Variants in CD9 observed in about 807,000 individuals in gnomAD.
CD9 encodes the protein CD9 molecule, also known as CD9 antigen.
A neutral mutation model predicts 31.4 loss-of-function variants in CD9; 10 were observed. That is an observed-to-expected ratio of 0.32 (90% confidence interval 0.20 to 0.54). CD9 has a LOEUF of 0.54. Ranked by LOEUF, CD9 falls within the 20% of genes least tolerant of loss-of-function variation. CD9 has a pLI of 0.94. For synonymous variants in CD9, 113 were observed against 114.1 expected (o/e 0.99, Z 0.06); for missense variants, 259 against 300.1 (o/e 0.86, Z 1.01).
At chr12:6,236,314 A>G (rs1591982866) in intron 7 of CD9, 39 bp downstream of exon 7, 3 of 1,568,096 alleles carry the variant, frequency 1.9e-6, no homozygotes, top group African/African-American at 1.3e-5. Context: ...GGGACTGAGG[A>G]GTTCACATTG....
At chr12:6,200,800 G>C (rs970275432) in intron 1 of CD9, 2 of 441,232 alleles carry the variant, frequency 4.5e-6, no homozygotes, top group Admixed American at 9.0e-5. Context: ...AGCCGGCGTG[G>C]GGAGCCGGGC....
chr12:6,236,099 A>G (rs1946518963), intron 6 of CD9, 93 bp from the exon 7 acceptor site: 4 of 1,562,876 alleles, frequency 2.6e-6, no homozygotes, highest in African/African-American at 2.7e-5. Context: ...TCTGCCCACC[A>G]GTTCTCCCGG....
rs573144163 is a variant in CD9, at chr12:6,228,905, C to T, written c.175+3371C>T. Among the ~76,000 whole-genome samples the T allele has an allele frequency of 5.2e-5, 8 of 152,382 alleles. No homozygotes were observed. In the South Asian group the frequency reaches 6.2e-4, roughly 12 times the overall value. On this transcript the variant is annotated intron_variant, in intron 2 of 7. Coordinates refer to ENST00000009180, the MANE Select transcript of CD9 (RefSeq NM_001769.4). The stretch of plus-strand genomic sequence containing the variant: ...CCATGCAGCTGACTTTTCAGGAAAC[C>T]TGAACAGCCCAGGGGTGTCTTTTCT...
At chr12:6,225,864 T>A (rs41279082) in intron 2 of CD9, 100 of 255,094 alleles carry the variant, frequency 3.9e-4, no homozygotes, top group Non-Finnish European at 6.4e-4. Flanking sequence ...CTCCTGATTG[T>A]CTTCTTATCC....
intron 1 of CD9, among the ~76,000 whole-genome samples, chr12:6,222,520 T>G (rs1269645534): frequency 1.3e-5 from 2 of 152,316 alleles, no homozygotes; most frequent in Admixed American, 6.5e-5. Flanking sequence ...GATGTAAGGT[T>G]TAAGGTGGGG....
In CD9 at chr12:6,214,251, G is replaced by A. The variant is rs556802771; in HGVS notation, c.67-11175G>A. Among the ~76,000 whole-genome samples, 5 of 151,744 alleles carry A rather than the reference G, an allele frequency of 3.3e-5. No individual in the cohort carries two copies. In the South Asian group the frequency reaches 6.2e-4, roughly 19 times the overall value. On this transcript the variant is annotated intron_variant, in intron 1 of 7. Coordinates refer to ENST00000009180, the MANE Select transcript of CD9 (RefSeq NM_001769.4). The stretch of plus-strand genomic sequence containing the variant: ...CCACCTCCTGTAATGTGTCGGGGGC[G>A]TGGGTCCTTGTACATAGTAACTTCT...
chr12:6,231,918 A>G (rs1946451294), intron 2 of CD9, among the ~76,000 whole-genome samples: 2 of 152,164 alleles, frequency 1.3e-5, no homozygotes, highest in African/African-American at 2.4e-5. Context: ...CCAGAGAGGG[A>G]AAATGTCTTA....
At chr12:6,206,573 G>A (rs904409193) in intron 1 of CD9, among the ~76,000 whole-genome samples, 1 of 152,132 alleles carries the variant, frequency 6.6e-6, no homozygotes, top group Non-Finnish European at 1.5e-5. Context: ...TTACTTGCCT[G>A]TTTTATTCCA....
chr12:6,215,678 G>A (rs1946236350), intron 1 of CD9, among the ~76,000 whole-genome samples: 2 of 152,262 alleles, frequency 1.3e-5, no homozygotes, highest in East Asian at 1.9e-4. Context: ...CCCAGGATGC[G>A]CCTGACCAAC....
intron 2 of CD9, chr12:6,226,225 C>G (rs932934183): frequency 1.3e-5 from 2 of 152,222 alleles, no homozygotes; most frequent in African/African-American, 4.8e-5. Context: ...CCTTGCTAGA[C>G]CATTCTATCC....
intron 2 of CD9, among the ~76,000 whole-genome samples, chr12:6,226,680 T>C (rs1946370676): frequency 6.6e-6 from 1 of 152,186 alleles, no homozygotes; most frequent in South Asian, 2.1e-4. Context: ...AGCTGGGGTT[T>C]TTTGGGGTGT....
chr12:6,203,165 AT>A (rs1946094633), intron 1 of CD9, among the ~76,000 whole-genome samples: 1 of 152,114 alleles, frequency 6.6e-6, no homozygotes, highest in Non-Finnish European at 1.5e-5. Flanking sequence ...TCAGGAAACC[AT>A]TTCCCAGAGA....
intron 1 of CD9, among the ~76,000 whole-genome samples, chr12:6,209,356 A>G (rs896137036): frequency 5.3e-5 from 8 of 151,828 alleles, no homozygotes; most frequent in African/African-American, 1.9e-4. Flanking sequence ...GTGCATGCAC[A>G]CCCCAGATTT....
intron 1 of CD9, among the ~76,000 whole-genome samples, chr12:6,214,532 A>G (rs1476098930): frequency 6.6e-6 from 1 of 151,506 alleles, no homozygotes; most frequent in Non-Finnish European, 1.5e-5. Context: ...ATTTTTTAGT[A>G]GAGACTGGGT....
At chr12:6,204,125 A>C (rs1265390837) in intron 1 of CD9, among the ~76,000 whole-genome samples, 3 of 152,190 alleles carry the variant, frequency 2.0e-5, no homozygotes, top group Admixed American at 6.5e-5. Context: ...TGGGTTGGTC[A>C]CTTCTGTGCT....
chr12:6,215,204 A>G (rs1946232492), intron 1 of CD9, among the ~76,000 whole-genome samples: 1 of 152,200 alleles, frequency 6.6e-6, no homozygotes, highest in South Asian at 2.1e-4. Context: ...CCTAACACAC[A>G]CAAAGCACCT....
intron 2 of CD9, among the ~76,000 whole-genome samples, chr12:6,229,203 G>A (rs575893730): frequency 5.3e-5 from 8 of 152,336 alleles, no homozygotes; most frequent in African/African-American, 1.9e-4. Context: ...CATGGCTGCT[G>A]AATGAGGGCA....
chr12:6,200,312 G>A (rs1159603984), upstream of CD9: 1 of 356,658 alleles, frequency 2.8e-6, no homozygotes, highest in African/African-American at 2.1e-5. Context: ...GGGAGTGGGG[G>A]CGGCTTTTCC....
At chr12:6,215,078 G>C (rs888575075) in intron 1 of CD9, among the ~76,000 whole-genome samples, 2 of 151,842 alleles carry the variant, frequency 1.3e-5, no homozygotes, top group Non-Finnish European at 2.9e-5. Flanking sequence ...TTCCCTCCCC[G>C]TGGCTCACAG....
Sources: allele counts gnomAD v4.1 joint callset (sites outside exome capture counted in the v4.1 genomes callset), GRCh38; gene constraint gnomAD v4.1.1; transcripts MANE v1.5; gene names NCBI Gene and HGNC (gene_info 2026-07-23, HGNC 2026-07-21).